The following CEP295NL variants were observed in gnomAD, a reference collection of about 807,000 sequenced individuals.
CEP295NL encodes the protein protein DDC8 homolog.
A neutral mutation model predicts 4.6 loss-of-function variants in CEP295NL; 3 were observed. The ratio of observed to expected loss-of-function variants is 0.65; its 90% CI spans 0.30 to 1.69. The LOEUF is 1.69. CEP295NL is among the 40% of genes most tolerant of loss of function. CEP295NL has a pLI of 0.10. For missense variants in CEP295NL, 719 were observed against 769.0 expected (o/e 0.93, Z 0.77); for synonymous variants, 295 against 312.2 (o/e 0.94, Z 0.58).
rs906413516 is a variant in CEP295NL at position 78,891,446 on chromosome 17, C to T, written c.1058G>A (p.Arg353Lys). The T allele has an allele frequency of 1.6e-4, 250 of 1,550,902 alleles. No individual in the cohort carries two copies. Among genetic ancestry groups the T allele is most frequent in the Non-Finnish European group, 2.1e-4 (244 of 1,147,086 alleles). Residue 353 changes from arginine (R) to lysine (K), a missense_variant, in exon 3 of 3, where the codon AGA becomes AAA. Arg to Lys is a conservative substitution (Grantham distance 26). Coordinates refer to ENST00000322630, the MANE Select transcript of CEP295NL (RefSeq NM_001243540.2). This position sits in a 1 kb window ranked among gnomAD's most constrained non-coding sequence, Gnocchi z 4.5. ...LAFEELFNIN[R>K]KLKKHLCLYL... ...CAAGCACAGGTGTTTTTTCAGCTTT[C>T]TGTTTATATTAAACAACTCTTCAAA...
rs1568000096 is a variant in CEP295NL at position 78,891,907 on chromosome 17, C to T, written c.597G>A (p.Ala199=). Residue 199 remains alanine (A), a synonymous_variant, in exon 3 of 3, where the codon GCG becomes GCA. Coordinates refer to ENST00000322630, the MANE Select transcript of CEP295NL (RefSeq NM_001243540.2). This position sits in a 1 kb window ranked among gnomAD's most constrained non-coding sequence, Gnocchi z 4.5. Reference sequence around the variant, plus strand: ...TTGTAGTCTGTGGTTTCTCTGGACTCGCTGCTGTCTTCCGGGGCCTGGAGT... The same window carrying T: ...TTGTAGTCTGTGGTTTCTCTGGACTTGCTGCTGTCTTCCGGGGCCTGGAGT... ...PRHSRPRKTA[A]SPEKPQTTKA... is the part of the protein sequence containing the mutation. 2 of 1,550,576 alleles carry T rather than the reference C, an allele frequency of 1.3e-6. No individual in the cohort carries two copies. The highest frequency in any genetic ancestry group is 1.4e-5 in the African/African-American group (1 of 73,178).
chr17:78,895,196 G>A (rs544606021), intron 2 of CEP295NL, among the ~76,000 whole-genome samples: 1 of 152,290 alleles, frequency 6.6e-6, no homozygotes, highest in East Asian at 1.9e-4. Flanking sequence ...CAGGAGAATT[G>A]CTTGTATCTG....
At chr17:78,899,980 T>C (rs1004745081) in intron 2 of CEP295NL, 1 of 152,184 alleles carries the variant, frequency 6.6e-6, no homozygotes, top group African/African-American at 2.4e-5. Flanking sequence ...AGCTTACCCT[T>C]TCATATGGAA....
At position 78,892,231 on chromosome 17, in the gene CEP295NL, G is replaced by A. The variant is rs1161193194; in HGVS notation, c.273C>T (p.Leu91=). The stretch of plus-strand genomic sequence containing the variant: ...TGGCATCCGCTCTTCTCTGCAGAGC[G>A]AGATCGCCTTTGCCCCGGGCTTGTA... The part of the protein sequence containing the change: ...KLLQARGKGD[L]ALQRRADAKL... The change falls in exon 3 of 3, where the codon CTC becomes CTT. Residue 91 remains leucine, a synonymous_variant. Coordinates refer to ENST00000322630, the MANE Select transcript of CEP295NL (RefSeq NM_001243540.2). 9.0e-6 allele frequency: 14 copies of A among 1,550,878 alleles called. No individual in the cohort carries two copies. The highest frequency in any genetic ancestry group is 5.9e-5 in the South Asian group (5 of 84,070).
At position 78,896,630 on chromosome 17, in the gene CEP295NL, A is replaced by C. The variant is rs7216900; in HGVS notation, c.45-4171T>G. Among the ~76,000 whole-genome samples, 31,499 of 151,676 alleles carry C rather than the reference A, an allele frequency of 0.21. 7,757 individuals are homozygous for C. Among genetic ancestry groups the C allele is most frequent in the African/African-American group, 0.6 (24,751 of 41,292 alleles). ...TCCCCTGCTGCCCTCTGGTCCTGCC[A>C]CCCCGAGCTGACAAGCCTGCCTTCT... On this transcript the variant is annotated intron_variant, in intron 2 of 2. Coordinates refer to ENST00000322630, the MANE Select transcript of CEP295NL (RefSeq NM_001243540.2). This position sits in a 1 kb window ranked among gnomAD's most constrained non-coding sequence, Gnocchi z 4.4.
At chr17:78,895,471 C>T (rs1203792448) in intron 2 of CEP295NL, among the ~76,000 whole-genome samples, 1 of 152,050 alleles carries the variant, frequency 6.6e-6, no homozygotes, top group East Asian at 1.9e-4. Flanking sequence ...AAAAGACAGA[C>T]AATAGCAACT....
chr17:78,891,232 T>C lies in CEP295NL; in HGVS notation c.1272A>G (p.Lys424=). 6.4e-7 allele frequency: 1 copy of C among 1,550,680 alleles called. No individual in the cohort carries two copies. The highest frequency in any genetic ancestry group is 8.7e-7 in the Non-Finnish European group (1 of 1,147,018). Residue 424 remains lysine, a synonymous_variant, in exon 3 of 3, where the codon AAA becomes AAG. Coordinates refer to ENST00000322630, the MANE Select transcript of CEP295NL (RefSeq NM_001243540.2). This position sits in a 1 kb window ranked among gnomAD's most constrained non-coding sequence, Gnocchi z 4.5. ...AQQAASKTDL[K]TFMGKAQNQK... ...GGTTCTGGGCCTTGCCCATGAACGTTTTCAAGTCGGTCTTGGACGCTGCCT... is the reference window on the plus strand; with the variant it reads ...GGTTCTGGGCCTTGCCCATGAACGTCTTCAAGTCGGTCTTGGACGCTGCCT...
intron 2 of CEP295NL, chr17:78,899,140 G>T: frequency 6.6e-6 from 1 of 152,398 alleles, no homozygotes; most frequent in Non-Finnish European, 1.5e-5. Context: ...CTGCCATCTG[G>T]GGGACCACGC....
intron 2 of CEP295NL, 134 bp from the exon 3 acceptor site, chr17:78,892,593 C>T (rs28408556): frequency 1.2e-5 from 16 of 1,384,844 alleles, no homozygotes; most frequent in South Asian, 9.2e-5. Flanking sequence ...TCTCTTGACC[C>T]GTGCCCACCA....
In CEP295NL at chr17:78,896,551, C is replaced by T. The variant is rs1395492364; in HGVS notation, c.45-4092G>A. Among the ~76,000 whole-genome samples, 1 of 152,152 alleles carries T rather than the reference C, an allele frequency of 6.6e-6. No individual in the cohort carries two copies. Among genetic ancestry groups the T allele is most frequent in the Admixed American group, 6.5e-5 (1 of 15,278 alleles). On this transcript the variant is annotated intron_variant, in intron 2 of 2. Coordinates refer to ENST00000322630, the MANE Select transcript of CEP295NL (RefSeq NM_001243540.2). This position sits in a 1 kb window ranked among gnomAD's most constrained non-coding sequence, Gnocchi z 4.4. ...GGCAGGGGTCCTGGCGCTCCTCTGTCCTCCACATCCTCTGAGTGTTCTGAG... is the reference window on the plus strand; with the variant it reads ...GGCAGGGGTCCTGGCGCTCCTCTGTTCTCCACATCCTCTGAGTGTTCTGAG...
rs1258363516 is a variant in CEP295NL, at chr17:78,896,469, A to T, written c.45-4010T>A. On this transcript the variant is annotated intron_variant, in intron 2 of 2. Coordinates refer to ENST00000322630, the MANE Select transcript of CEP295NL (RefSeq NM_001243540.2). This position sits in a 1 kb window ranked among gnomAD's most constrained non-coding sequence, Gnocchi z 4.4. Reference sequence around the variant, plus strand: ...CATGGTTCCAATCAGGGCCCTCGCTACAGCTCCCCTCCCAGAGGCACCTGC... The same window carrying T: ...CATGGTTCCAATCAGGGCCCTCGCTTCAGCTCCCCTCCCAGAGGCACCTGC... Among the ~76,000 whole-genome samples, 1 of 152,152 alleles carries T rather than the reference A, an allele frequency of 6.6e-6. No homozygotes were observed. The highest frequency in any genetic ancestry group is 1.5e-5 in the Non-Finnish European group (1 of 68,020).
rs892776428 is a variant in CEP295NL at position 78,892,399 on chromosome 17, G to A, written c.105C>T (p.Pro35=). The change falls in exon 3 of 3, where the codon CCC becomes CCT. Residue 35 remains proline (P), a synonymous_variant. Transcript: ENST00000322630. ...GSSGPGAPLE[P]STLGSKHLPW... ...GAAGGTGCTTGGAGCCAAGAGTGGA[G>A]GGTTCAAGGGGCGCCCCCGGGCCTG... 4 of 1,550,474 alleles carry A rather than the reference G, an allele frequency of 2.6e-6. No homozygotes were observed. Among genetic ancestry groups the A allele is most frequent in the African/African-American group, 2.7e-5 (2 of 73,056 alleles).
At chr17:78,895,507 T>TTGGAACCCTGTGCACGCTGCTGGTGGGAA (rs2069985843) in intron 2 of CEP295NL, among the ~76,000 whole-genome samples, 1 of 151,978 alleles carries the variant, frequency 6.6e-6, no homozygotes, top group Non-Finnish European at 1.5e-5. Context: ...GGGGGAGGAA[T>TTGGAACCCTGTGCACGCTGCTGGTGGGAA]TGGAACCCTG....
chr17:78,891,985 G>C lies in CEP295NL; in HGVS notation c.519C>G (p.Ala173=). Residue 173 remains alanine (A), a synonymous_variant, in exon 3 of 3, where the codon GCC becomes GCG. Transcript: ENST00000322630. This position sits in a 1 kb window ranked among gnomAD's most constrained non-coding sequence, Gnocchi z 4.5. ...PPRAKEKHRA[A]LSEERSCREE... ...CCCTGCAACTCCTCTCTTCACTAAG[G>C]GCTGCTCTATGCTTCTCCTTGGCCC... 6.4e-7 allele frequency: 1 copy of C among 1,550,624 alleles called. No individual in the cohort carries two copies. The highest frequency in any genetic ancestry group is 8.7e-7 in the Non-Finnish European group (1 of 1,147,010).
At chr17:78,893,030 C>G (rs1340837830) in intron 2 of CEP295NL, among the ~76,000 whole-genome samples, 1 of 152,010 alleles carries the variant, frequency 6.6e-6, no homozygotes, top group East Asian at 1.9e-4. Flanking sequence ...GAGGAAGAGA[C>G]GGGGCAGGGA....
chr17:78,894,186 A>C (rs1325583082), intron 2 of CEP295NL, among the ~76,000 whole-genome samples: 1 of 151,378 alleles, frequency 6.6e-6, no homozygotes, highest in Non-Finnish European at 1.5e-5. Context: ...TGAGATACGA[A>C]GCTCCTACCC....
At position 78,890,695 on chromosome 17, in the gene CEP295NL, G is replaced by T. The variant is rs917673501; in HGVS notation, c.1809C>A (p.His603Gln). The change falls in exon 3 of 3, where the codon CAC becomes CAA. Residue 603 changes from histidine (H) to glutamine (Q), a missense_variant. Coordinates refer to ENST00000322630, the MANE Select transcript of CEP295NL (RefSeq NM_001243540.2). ...TCCGGGCTTCTTCAAGAAACTGCTT[G>T]TGCAACCTGTTTTGCTGTAAGATCT... is the stretch of plus-strand genomic sequence containing the variant. ...QQQILQQNRLHKQFLEEARKC... is the reference protein window; with the variant it reads ...QQQILQQNRLQKQFLEEARKC... The T allele has an allele frequency of 5.5e-5, 86 of 1,550,464 alleles. No homozygotes were observed. The highest frequency in any genetic ancestry group is 7.3e-5 in the Non-Finnish European group (84 of 1,146,998).
Position 78,891,330 on chromosome 17 carries a change from C to A in CEP295NL, c.1174G>T (p.Gly392Trp). 1 of 1,550,324 alleles carries A rather than the reference C, an allele frequency of 6.5e-7. No homozygotes were observed. Among genetic ancestry groups the A allele is most frequent in the Non-Finnish European group, 8.7e-7 (1 of 1,146,950 alleles). Residue 392 changes from glycine to tryptophan, a missense_variant, in exon 3 of 3, where the codon GGG becomes TGG. By Grantham distance (184) the Gly-to-Trp change is radical. Transcript: ENST00000322630. This position sits in a 1 kb window ranked among gnomAD's most constrained non-coding sequence, Gnocchi z 4.5. ...MQECGAGTPRGKKMADPEMLP... is the reference protein window; with the variant it reads ...MQECGAGTPRWKKMADPEMLP... ...ATCTCTGGGTCTGCCATTTTCTTCCCTCTTGGGGTCCCAGCGCCACACTCT... is the reference window on the plus strand; with the variant it reads ...ATCTCTGGGTCTGCCATTTTCTTCCATCTTGGGGTCCCAGCGCCACACTCT...
chr17:78,894,670 T>C (rs2069969505), intron 2 of CEP295NL, among the ~76,000 whole-genome samples: 2 of 152,320 alleles, frequency 1.3e-5, no homozygotes, highest in African/African-American at 2.4e-5. Flanking sequence ...CAATGGATCA[T>C]AGACCTTCAT....
Sources: gnomAD v4.1 joint callset for allele counts (sites outside exome capture counted in the v4.1 genomes callset) on GRCh38, gnomAD v4.1.1 for gene constraint, Gnocchi (gnomAD v3.1) non-coding constraint, MANE v1.5 for transcripts, NCBI Gene and HGNC (gene_info 2026-07-23, HGNC 2026-07-21) for gene names.